The following KCNAB2 variants were observed in gnomAD, a reference collection of about 807,000 sequenced individuals.
KCNAB2 encodes voltage-gated potassium channel subunit beta-2.
KCNAB2 carries 29 observed loss-of-function variants against 63.6 expected under a neutral mutation model. That is an observed-to-expected ratio of 0.46 (90% CI 0.34 to 0.62). The LOEUF (loss-of-function observed/expected upper bound fraction) is 0.62, where lower values mean the gene tolerates loss of function less well. Among genes scored for constraint, KCNAB2 ranks in the 20% least tolerant of loss-of-function variants. The pLI is 0.01. For synonymous variants in KCNAB2, 222 were observed against 224.2 expected, an observed-to-expected ratio of 0.99 and a Z score of 0.09; for missense variants, 359 against 563.9, an observed-to-expected ratio of 0.64 and a Z score of 3.68.
At chr1:6,041,877 T>G (rs764812730), upstream of KCNAB2, 67 of 1,613,408 alleles carry the variant, frequency 4.2e-5, 1 homozygote, top group South Asian at 7.0e-4. Context: ...TTACAGGTAA[T>G]GAGTCTTCAT....
At chr1:6,019,705 C>G (rs1010726069) in intron 1 of KCNAB2, among the ~76,000 whole-genome samples, 1 of 152,216 alleles carries the variant, frequency 6.6e-6, no homozygotes, top group Non-Finnish European at 1.5e-5. Context: ...TCCAGTGTCA[C>G]AGCCCACGTG....
intron 1 of KCNAB2, among the ~76,000 whole-genome samples, chr1:5,998,414 T>C (rs574054061): frequency 3.3e-4 from 50 of 152,256 alleles, no homozygotes; most frequent in African/African-American, 1.1e-3. Flanking sequence ...GAGGTCTGTG[T>C]CTTGGACAGC....
chr1:6,093,214 CTT>C (rs959178045), intron 10 of KCNAB2, among the ~76,000 whole-genome samples: 2 of 152,250 alleles, frequency 1.3e-5, no homozygotes, highest in African/African-American at 4.8e-5. Flanking sequence ...AGAGCCAGGG[CTT>C]TTCCAGGGTC....
Position 6,073,614 on chromosome 1 carries a change from G to A in KCNAB2, c.263-119G>A. The A allele has an allele frequency of 5.6e-6, 5 of 887,036 alleles. No homozygotes were observed. In the Admixed American group the frequency reaches 8.7e-5, roughly 15 times the overall value. The allele number at this position is 887,036 out of a possible 1,614,324, so 54.9% of individuals were successfully genotyped here. A position where few individuals can be genotyped will look rare whatever the true frequency, so the allele number is the denominator to read the frequency against. On this transcript the variant is annotated intron_variant, in intron 3 of 15. Coordinates refer to ENST00000378083, the MANE Select transcript of KCNAB2 (RefSeq NM_001199862.2). This position sits in a 1 kb window ranked among gnomAD's most constrained non-coding sequence, Gnocchi z 5.7. The stretch of plus-strand genomic sequence containing the variant: ...ACACTAAGGACACCCTGGCCACAGA[G>A]CAGCACAGAGGGACACCTGTGGCTG...
intron 1 of KCNAB2, among the ~76,000 whole-genome samples, chr1:6,001,882 G>A (rs1319403176): frequency 6.6e-6 from 1 of 152,124 alleles, no homozygotes; most frequent in Non-Finnish European, 1.5e-5. Context: ...GGAAACTGAG[G>A]CCAGATGACT....
rs1665641423 is a variant in KCNAB2 at position 6,096,378 on chromosome 1, G to A, written c.949-258G>A. 1.8e-6 allele frequency: 1 copy of A among 556,806 alleles called. No individual in the cohort carries two copies. The highest frequency in any genetic ancestry group is 1.9e-5 in the African/African-American group (1 of 52,904). The allele number at this position is 556,806 out of a possible 1,614,324, so 34.5% of individuals were successfully genotyped here. A position where few individuals can be genotyped will look rare whatever the true frequency, so the allele number is the denominator to read the frequency against. ...CACCTCGCCTCCTTGTCCTGACTTG[G>A]GGTTGGGCCAGCACCACAGTCTTTG... On this transcript the variant is annotated intron_variant, in intron 13 of 15. Transcript: ENST00000378083. The surrounding 1 kb of genome is among the most constrained non-coding windows in gnomAD (Gnocchi z 5.9).
chr1:6,011,160 G>A (rs1017771662), intron 1 of KCNAB2, among the ~76,000 whole-genome samples: 2 of 152,242 alleles, frequency 1.3e-5, no homozygotes, highest in Non-Finnish European at 2.9e-5. Context: ...GCATTGCTCT[G>A]AGGGAGCAGC....
chr1:6,025,171 C>G (rs2100349156), intron 1 of KCNAB2, among the ~76,000 whole-genome samples: 1 of 152,274 alleles, frequency 6.6e-6, no homozygotes, highest in Non-Finnish European at 1.5e-5. Context: ...CCTCCCCTAA[C>G]CACTGTCTTT....
At chr1:6,063,341 C>T (rs1312054602) in intron 2 of KCNAB2, among the ~76,000 whole-genome samples, 1 of 151,522 alleles carries the variant, frequency 6.6e-6, no homozygotes, top group Non-Finnish European at 1.5e-5. Flanking sequence ...TGGAATCATA[C>T]GTGTTCTTTC....
chr1:6,098,439 C>T (rs377340944), intron 15 of KCNAB2, 46 bp from the exon 16 acceptor site: 2 of 1,610,094 alleles, frequency 1.2e-6, no homozygotes, highest in African/African-American at 2.7e-5. Context: ...CAGGCCAGGC[C>T]CGTCTTGTTG....
chr1:6,051,856 C>A, intron 2 of KCNAB2, 102 bp downstream of exon 2: 1 of 1,323,364 alleles, frequency 7.6e-7, no homozygotes, highest in Non-Finnish European at 1.0e-6. Context: ...GTAATCCCAG[C>A]ACTTGGGGAG....
intron 1 of KCNAB2, among the ~76,000 whole-genome samples, chr1:6,018,301 A>G (rs1032062986): frequency 1.2e-4 from 19 of 152,172 alleles, no homozygotes; most frequent in Non-Finnish European, 1.0e-4. Flanking sequence ...TTCAGTCTCT[A>G]TTGCAACTAC....
chr1:6,000,016 CCT>C (rs1657154742), intron 1 of KCNAB2, among the ~76,000 whole-genome samples: 1 of 150,542 alleles, frequency 6.6e-6, no homozygotes, highest in South Asian at 2.1e-4. Context: ...CTCTCTGCAC[CCT>C]GTCTGCGCCG....
At chr1:6,066,328 A>G (rs1207524934) in intron 2 of KCNAB2, among the ~76,000 whole-genome samples, 1 of 152,092 alleles carries the variant, frequency 6.6e-6, no homozygotes, top group Non-Finnish European at 1.5e-5. Context: ...CGGCCTCCCC[A>G]ACTCCCCACC....
chr1:6,020,526 G>A (rs566214746), intron 1 of KCNAB2, among the ~76,000 whole-genome samples: 3 of 152,198 alleles, frequency 2.0e-5, no homozygotes, highest in Admixed American at 1.3e-4. Flanking sequence ...GAATTTTCCC[G>A]AAGCCCCACC....
At position 6,003,753 on chromosome 1, in the gene KCNAB2, C is replaced by T. The variant is rs566836700; in HGVS notation, c.-53+10965C>T. Reference sequence around the variant, plus strand: ...AGAACCAGCCACGTCTCCTCGTCGTCGTTTCACCGCAACCTCGCCAGCAAT... The same window carrying T: ...AGAACCAGCCACGTCTCCTCGTCGTTGTTTCACCGCAACCTCGCCAGCAAT... On this transcript the variant is annotated intron_variant, in intron 1 of 16. Coordinates refer to the KCNAB2 transcript ENST00000341524. The surrounding 1 kb of genome is among the most constrained non-coding windows in gnomAD (Gnocchi z 4.1). Among the ~76,000 whole-genome samples the T allele has an allele frequency of 3.5e-4, 53 of 152,330 alleles. No homozygotes were observed. Among genetic ancestry groups the T allele is most frequent in the African/African-American group, 1.2e-3 (51 of 41,576 alleles).
intron 1 of KCNAB2, among the ~76,000 whole-genome samples, chr1:6,005,591 C>G (rs1478814557): frequency 6.6e-6 from 1 of 151,946 alleles, no homozygotes; most frequent in African/African-American, 2.4e-5. Context: ...TGGGTCCCCT[C>G]TCTCCCCTCC....
chr1:6,023,543 G>A (rs1244736366), intron 1 of KCNAB2, among the ~76,000 whole-genome samples: 2 of 152,160 alleles, frequency 1.3e-5, no homozygotes, highest in Non-Finnish European at 2.9e-5. Context: ...TTCCCTAATG[G>A]TTACTGACGT....
At chr1:6,080,224 G>A (rs958638426) in intron 4 of KCNAB2, among the ~76,000 whole-genome samples, 2 of 152,228 alleles carry the variant, frequency 1.3e-5, no homozygotes, top group Admixed American at 6.5e-5. Context: ...GATGTGGGAG[G>A]CATCTGGGAA....
Sources: gnomAD v4.1 joint callset for allele counts (sites outside exome capture counted in the v4.1 genomes callset) on GRCh38, gnomAD v4.1.1 for gene constraint, Gnocchi (gnomAD v3.1) non-coding constraint, MANE v1.5 for transcripts, NCBI Gene and HGNC (gene_info 2026-07-23, HGNC 2026-07-21) for gene names.